Variants in LEKR1 observed in about 807,000 individuals in gnomAD.
LEKR1 encodes the protein leucine, glutamate and lysine rich 1, also known as protein LEKR1.
A neutral mutation model predicts 72.4 loss-of-function variants in LEKR1; 59 were observed. The ratio of observed to expected loss-of-function variants is 0.82; its 90% CI spans 0.66 to 1.01. LEKR1 has a LOEUF of 1.01. LEKR1 is among the 50% of genes least tolerant of loss of function. The probability of loss-of-function intolerance (pLI) is 0.00; values close to 1 mark genes in which losing one functional copy is unlikely to be tolerated. For synonymous variants in LEKR1, 257 were observed against 263.2 expected, an observed-to-expected ratio of 0.98 and a Z score of 0.23; for missense variants, 728 against 759.2, an observed-to-expected ratio of 0.96 and a Z score of 0.48.
intron 9 of LEKR1, among the ~76,000 whole-genome samples, chr3:157,001,405 A>G (rs1732002017): frequency 6.6e-6 from 1 of 152,184 alleles, no homozygotes; most frequent in Non-Finnish European, 1.5e-5. Flanking sequence ...AGACATCTCT[A>G]AGAGAACAAC....
At chr3:156,929,741 G>A (rs904910835) in intron 5 of LEKR1, among the ~76,000 whole-genome samples, 1 of 152,064 alleles carries the variant, frequency 6.6e-6, no homozygotes, top group African/African-American at 2.4e-5. Context: ...GACTACAATT[G>A]TCAGCTTTCT....
intron 3 of LEKR1, among the ~76,000 whole-genome samples, chr3:156,918,805 T>C (rs1041397522): frequency 2.6e-5 from 4 of 152,136 alleles, no homozygotes; most frequent in African/African-American, 4.8e-5. Context: ...GCAGTGGGAA[T>C]TGGGGTAGAA....
intron 11 of LEKR1, among the ~76,000 whole-genome samples, chr3:157,026,922 C>G (rs1486479306): frequency 6.6e-6 from 1 of 152,136 alleles, no homozygotes; most frequent in Non-Finnish European, 1.5e-5. Context: ...CCAAGTTATT[C>G]TCTCATTCAT....
intron 3 of LEKR1, among the ~76,000 whole-genome samples, chr3:156,875,912 A>G (rs1718496808): frequency 6.8e-6 from 1 of 148,030 alleles, no homozygotes; most frequent in African/African-American, 2.5e-5. Context: ...GGAGAATGGC[A>G]TGAACCCGGG....
chr3:156,999,548 A>G (rs1435535129), intron 9 of LEKR1, among the ~76,000 whole-genome samples: 2 of 152,110 alleles, frequency 1.3e-5, no homozygotes, highest in African/African-American at 4.8e-5. Flanking sequence ...AATGCCATGT[A>G]CCATTTTGTG....
chr3:156,975,016 G>A (rs905077713), intron 6 of LEKR1, among the ~76,000 whole-genome samples: 1 of 152,088 alleles, frequency 6.6e-6, no homozygotes, highest in Non-Finnish European at 1.5e-5. Context: ...TAACATGTGC[G>A]TGTTACTCCC....
In LEKR1 at chr3:156,993,099, G is replaced by T. The variant is rs1731267024; in HGVS notation, c.931G>T (p.Glu311Ter). ...GCATACTATGCTGCTTAAGGAAAAAGAAGACTCTTTAATGACTTGTCAACA... is the reference window on the plus strand; with the variant it reads ...GCATACTATGCTGCTTAAGGAAAAATAAGACTCTTTAATGACTTGTCAACA... ...SQHTMLLKEK[E>*]DSLMTCQQIY... is the part of the protein sequence containing the mutation. The change falls in exon 9 of 13, where the codon GAA becomes TAA. Residue 311 changes from glutamate (E) to a stop codon, truncating the protein, a stop_gained. Coordinates refer to ENST00000356539, the MANE Select transcript of LEKR1 (RefSeq NM_001004316.3). LOFTEE classifies it high-confidence loss of function. The T allele has an allele frequency of 6.2e-7, 1 of 1,603,012 alleles. No individual in the cohort carries two copies. The highest frequency in any genetic ancestry group is 1.7e-5 in the Admixed American group (1 of 57,384).
At chr3:156,970,622 G>C (rs1163870087) in intron 6 of LEKR1, among the ~76,000 whole-genome samples, 3 of 152,290 alleles carry the variant, frequency 2.0e-5, no homozygotes, top group East Asian at 3.9e-4. Context: ...ATCTCCTTAA[G>C]CTGATAGGCA....
intron 6 of LEKR1, among the ~76,000 whole-genome samples, chr3:156,945,115 T>C (rs1369776269): frequency 6.6e-6 from 1 of 151,874 alleles, no homozygotes; most frequent in Non-Finnish European, 1.5e-5. Context: ...CCATTTTAAC[T>C]GAGGTGAGAT....
At chr3:156,955,833 T>C (rs965720239) in intron 6 of LEKR1, among the ~76,000 whole-genome samples, 1 of 151,716 alleles carries the variant, frequency 6.6e-6, no homozygotes, top group Non-Finnish European at 1.5e-5. Flanking sequence ...TTGTTGTTGT[T>C]GTTACATCTC....
At chr3:156,835,359 C>T (rs1223949427) in intron 2 of LEKR1, among the ~76,000 whole-genome samples, 1 of 152,200 alleles carries the variant, frequency 6.6e-6, no homozygotes, top group Admixed American at 6.5e-5. Flanking sequence ...GGGTGGAGCC[C>T]TTCAAGGAAC....
intron 12 of LEKR1, among the ~76,000 whole-genome samples, chr3:157,032,656 C>T (rs1264390560): frequency 2.0e-5 from 3 of 152,148 alleles, no homozygotes; most frequent in Non-Finnish European, 2.9e-5. Context: ...AATACTGAAA[C>T]CTAATGCCCG....
chr3:156,886,098 C>CAG (rs1720030109), intron 3 of LEKR1, among the ~76,000 whole-genome samples: 1 of 152,088 alleles, frequency 6.6e-6, no homozygotes, highest in Non-Finnish European at 1.5e-5. Context: ...TTAGGCAGGT[C>CAG]TGGGTTCAGA....
At chr3:156,874,507 C>T (rs1054559517) in intron 3 of LEKR1, among the ~76,000 whole-genome samples, 1 of 151,374 alleles carries the variant, frequency 6.6e-6, no homozygotes, top group East Asian at 1.9e-4. Context: ...CAGACATTTT[C>T]CCTTGGCTTG....
At chr3:156,947,197 T>G (rs978986245) in intron 6 of LEKR1, among the ~76,000 whole-genome samples, 1 of 151,322 alleles carries the variant, frequency 6.6e-6, no homozygotes, top group African/African-American at 2.4e-5. Flanking sequence ...ATTGTTATGT[T>G]GATTTGAAGC....
intron 6 of LEKR1, among the ~76,000 whole-genome samples, chr3:156,960,430 C>T (rs144967341): frequency 9.8e-4 from 149 of 152,154 alleles, no homozygotes; most frequent in African/African-American, 3.4e-3. Context: ...GGATTACAGA[C>T]ATGCGCCACC....
chr3:156,868,532 T>C (rs1717563140), intron 3 of LEKR1, among the ~76,000 whole-genome samples: 1 of 152,008 alleles, frequency 6.6e-6, no homozygotes, highest in African/African-American at 2.4e-5. Flanking sequence ...GAAAAATTAC[T>C]AATACTTTCC....
chr3:156,923,773 G>C (rs930349119), intron 4 of LEKR1, among the ~76,000 whole-genome samples: 2 of 151,598 alleles, frequency 1.3e-5, no homozygotes, highest in Non-Finnish European at 2.9e-5. Flanking sequence ...TATCACCCAG[G>C]CTTGAGTGCA....
chr3:156,945,036 C>G (rs1414426274), intron 6 of LEKR1, among the ~76,000 whole-genome samples: 2 of 151,724 alleles, frequency 1.3e-5, no homozygotes, highest in African/African-American at 2.4e-5. Context: ...TTACCACCAA[C>G]AGTGTTCAAG....
Sources: gnomAD v4.1 joint callset for allele counts (sites outside exome capture counted in the v4.1 genomes callset) on GRCh38, gnomAD v4.1.1 for gene constraint, MANE v1.5 for transcripts, NCBI Gene and HGNC (gene_info 2026-07-23, HGNC 2026-07-21) for gene names.